Variants in DMXL1 observed in about 807,000 individuals in gnomAD.
The protein encoded by DMXL1 is dmX-like protein 1.
Under a neutral mutation model 319.2 loss-of-function variants are expected in DMXL1, and 99 were observed. The observed-to-expected ratio is 0.31, with a 90% CI of 0.26 to 0.37. The LOEUF is 0.37. Ranked by LOEUF, DMXL1 falls within the 10% of genes least tolerant of loss-of-function variation. DMXL1 has a pLI of 1.00. For missense variants in DMXL1, 3,745 were observed against 3,595.6 expected (o/e 1.04, Z -1.06); for synonymous variants, 1,385 against 1,235.2 (o/e 1.12, Z -2.54).
chr5:119,214,182 A>C (rs1017002166), intron 34 of DMXL1, among the ~76,000 whole-genome samples: 2 of 152,086 alleles, frequency 1.3e-5, no homozygotes, highest in Admixed American at 1.3e-4. Context: ...ACTTCTGTCC[A>C]TCTCAGTAAA....
At chr5:119,111,262 G>T (rs1406441337) in intron 5 of DMXL1, among the ~76,000 whole-genome samples, 6 of 152,140 alleles carry the variant, frequency 3.9e-5, no homozygotes, top group Admixed American at 3.9e-4. Flanking sequence ...GAGCTACATT[G>T]TCCAGTATGG....
chr5:119,129,560 T>C, intron 10 of DMXL1, 137 bp downstream of exon 10: 1 of 631,284 alleles, frequency 1.6e-6, no homozygotes, highest in Non-Finnish European at 2.7e-6. Context: ...GCTCATTTAA[T>C]AATCTAATGT....
chr5:119,124,524 A>G (rs1381585781), intron 9 of DMXL1, among the ~76,000 whole-genome samples: 1 of 150,678 alleles, frequency 6.6e-6, no homozygotes, highest in Non-Finnish European at 1.5e-5. Flanking sequence ...TGATATTAAG[A>G]TACATATGTT....
At chr5:119,090,072 G>A (rs575585621) in intron 1 of DMXL1, among the ~76,000 whole-genome samples, 3 of 123,050 alleles carry the variant, frequency 2.4e-5, no homozygotes, top group Non-Finnish European at 3.2e-5. Flanking sequence ...CCATGCTGGA[G>A]TGCAATGGTG....
At chr5:119,129,805 A>C (rs1764413028) in intron 10 of DMXL1, among the ~76,000 whole-genome samples, 1 of 152,244 alleles carries the variant, frequency 6.6e-6, no homozygotes, top group Non-Finnish European at 1.5e-5. Context: ...TGTACATTAA[A>C]GTTTGAGAAG....
intron 1 of DMXL1, among the ~76,000 whole-genome samples, chr5:119,084,528 A>G (rs1381581918): frequency 6.6e-6 from 1 of 152,066 alleles, no homozygotes; most frequent in Non-Finnish European, 1.5e-5. Context: ...GAAGAATGTA[A>G]TCTGTATCAG....
At chr5:119,147,511 T>A (rs1194112784) in intron 17 of DMXL1, 41 bp downstream of exon 17, 4 of 1,387,680 alleles carry the variant, frequency 2.9e-6, no homozygotes, top group Non-Finnish European at 3.1e-6. Context: ...TTGTAACACA[T>A]GAGTATTTAC....
At chr5:119,142,783 A>G (rs1767701601) in intron 13 of DMXL1, among the ~76,000 whole-genome samples, 1 of 152,162 alleles carries the variant, frequency 6.6e-6, no homozygotes, top group Non-Finnish European at 1.5e-5. Flanking sequence ...CATAGAATCA[A>G]CCCAAATGCC....
intron 1 of DMXL1, among the ~76,000 whole-genome samples, chr5:119,092,665 A>C (rs898971311): frequency 2.6e-5 from 4 of 152,116 alleles, no homozygotes; most frequent in Admixed American, 2.0e-4. Flanking sequence ...CACTACCCCT[A>C]GCCACTGGCA....
In DMXL1 at chr5:119,248,913, T is replaced by C. The variant is rs541257618; in HGVS notation, c.*1694T>C. 6.6e-6 allele frequency: 1 copy of C among 152,610 alleles called. No homozygotes were observed. Among genetic ancestry groups the C allele is most frequent in the Admixed American group, 6.5e-5 (1 of 15,288 alleles). The allele number at this position is 152,610 out of a possible 1,614,324, so 9.5% of individuals were successfully genotyped here. A position where few individuals can be genotyped will look rare whatever the true frequency, so the allele number is the denominator to read the frequency against. ...TGATGTAGTTAACCTTAAGTTATTT[T>C]TCAGTAATTTCTTCACAAATCAAGA... On this transcript the variant is annotated 3_prime_UTR_variant, in exon 44 of 44. Coordinates refer to ENST00000539542, the MANE Select transcript of DMXL1 (RefSeq NM_001290321.3).
Position 119,167,590 on chromosome 5 carries a change from T to A in DMXL1, c.5137-13T>A. 3 of 1,489,416 alleles carry A rather than the reference T, an allele frequency of 2.0e-6. No individual in the cohort carries two copies. The highest frequency in any genetic ancestry group is 9.1e-7 in the Non-Finnish European group (1 of 1,103,732). 92.3% of individuals were successfully genotyped at this position (1,489,416 alleles called of 1,614,324 possible). On this transcript the variant is annotated splice_polypyrimidine_tract_variant and intron_variant, in intron 22 of 43. Transcript: ENST00000539542. ...TGCTCCTGCTTATTTAAAAACAATATTTTTTTTTAAAGGTATGTCTTGAGA... is the reference window on the plus strand; with the variant it reads ...TGCTCCTGCTTATTTAAAAACAATAATTTTTTTTAAAGGTATGTCTTGAGA...
chr5:119,103,629 CT>C (rs1335986187), intron 3 of DMXL1, among the ~76,000 whole-genome samples: 1 of 152,118 alleles, frequency 6.6e-6, no homozygotes, highest in Non-Finnish European at 1.5e-5. Flanking sequence ...GTTCACACTT[CT>C]GATTTCTATT....
rs185204373 is a variant in DMXL1, at chr5:119,223,522, A to G, written c.8278-1187A>G. The stretch of plus-strand genomic sequence containing the variant: ...GCATTGTAATACAGAAATCTACCAT[A>G]GGCATAACACTAAGGATTGAATTTT... On this transcript the variant is annotated intron_variant, in intron 37 of 43. Transcript: ENST00000539542. 2.2e-3 allele frequency among the ~76,000 whole-genome samples: 335 copies of G among 152,272 alleles called. 1 individual carries two copies. The highest frequency in any genetic ancestry group is 7.4e-3 in the African/African-American group (308 of 41,542).
At position 119,167,703 on chromosome 5, in the gene DMXL1, G is replaced by T. The variant is rs779107340; in HGVS notation, c.5237G>T (p.Arg1746Leu). The T allele has an allele frequency of 6.8e-6, 11 of 1,613,362 alleles. No homozygotes were observed. In the East Asian group the frequency reaches 1.8e-4, roughly 26 times the overall value. ...DTSAAYKSIL[R>L]KKVLGIDSPV... is the part of the protein sequence containing the mutation. ...TCTGCAGCATATAAATCTATTTTAC[G>T]TAAAAAAGTTTTGGGAATCGATTCT... Residue 1746 changes from arginine to leucine, a missense_variant, in exon 23 of 44, where the codon CGT becomes CTT. Around this residue, in one of 4 missense-constraint regions of DMXL1, gnomAD observed 1,382 missense variants for 1,269.5 expected, o/e 1.09. Coordinates refer to ENST00000539542, the MANE Select transcript of DMXL1 (RefSeq NM_001290321.3).
At chr5:119,081,767 C>T (rs2149693409) in intron 1 of DMXL1, 3 of 968,450 alleles carry the variant, frequency 3.1e-6, no homozygotes, top group Non-Finnish European at 3.7e-6. Flanking sequence ...GAATTTTGTT[C>T]TTACGTGTAT....
In DMXL1 at chr5:119,089,277, CAT is replaced by C. The variant is rs1311893867; in HGVS notation, c.88-8687_88-8686del. Among the ~76,000 whole-genome samples, 128 of 31,508 alleles carry C rather than the reference CAT, an allele frequency of 4.1e-3. 1 individual carries two copies. The highest frequency in any genetic ancestry group is 5.9e-3 in the Non-Finnish European group (109 of 18,550). 20.7% of individuals were successfully genotyped at this position (31,508 alleles called of 152,430 possible). On this transcript the variant is annotated intron_variant, in intron 1 of 43. Coordinates refer to ENST00000539542, the MANE Select transcript of DMXL1 (RefSeq NM_001290321.3). ...CATTATATATGCATATATATATATA[CAT>C]ATATATATATATATTTTTTTTTTTT...
intron 1 of DMXL1, among the ~76,000 whole-genome samples, chr5:119,088,334 A>G (rs921813813): frequency 2.0e-5 from 3 of 152,034 alleles, no homozygotes; most frequent in African/African-American, 7.2e-5. Context: ...CAGTCTGTGT[A>G]TGCTTTTGTT....
At chr5:119,246,177 T>C (rs1172194168) in intron 43 of DMXL1, among the ~76,000 whole-genome samples, 1 of 152,186 alleles carries the variant, frequency 6.6e-6, no homozygotes, top group East Asian at 1.9e-4. Flanking sequence ...AAATTAAGTA[T>C]CCTGAAATTG....
At position 119,089,395 on chromosome 5, in the gene DMXL1, T is replaced by C. The variant is rs187773629; in HGVS notation, c.88-8584T>C. 4.4e-3 allele frequency among the ~76,000 whole-genome samples: 599 copies of C among 137,346 alleles called. 5 individuals are homozygous for C. The highest frequency in any genetic ancestry group is 0.016 in the African/African-American group (586 of 36,446). The allele number at this position is 137,346 out of a possible 152,430, so 90.1% of individuals were successfully genotyped here. A position where few individuals can be genotyped will look rare whatever the true frequency, so the allele number is the denominator to read the frequency against. ...ATCTCAGCTCACTGCAACCTCTGCC[T>C]CCTGGGTTCAAGCAGTTTTCATGCC... On this transcript the variant is annotated intron_variant, in intron 1 of 43. Coordinates refer to ENST00000539542, the MANE Select transcript of DMXL1 (RefSeq NM_001290321.3).
Sources: gnomAD v4.1 joint callset for allele counts (sites outside exome capture counted in the v4.1 genomes callset) on GRCh38, gnomAD v4.1.1 for gene constraint, gnomAD v4.1.1 regional missense constraint, MANE v1.5 for transcripts, NCBI Gene and HGNC (gene_info 2026-07-23, HGNC 2026-07-21) for gene names.